The following PRKN variants were observed in gnomAD, a reference collection of about 807,000 sequenced individuals.
PRKN encodes E3 ubiquitin-protein ligase parkin.
A neutral mutation model predicts 59.5 loss-of-function variants in PRKN; 56 were observed. The ratio of observed to expected loss-of-function variants is 0.94; its 90% confidence interval spans 0.76 to 1.18. The LOEUF is 1.18. Ranked by LOEUF, PRKN falls within the 50% of genes most tolerant of loss-of-function variation. PRKN has a pLI of 0.00. For synonymous variants in PRKN, 250 were observed against 222.1 expected (o/e 1.13, Z -1.12); for missense variants, 657 against 596.4 (o/e 1.10, Z -1.06).
At chr6:162,652,817 A>G (rs1778496293) in intron 1 of PRKN, among the ~76,000 whole-genome samples, 1 of 152,166 alleles carries the variant, frequency 6.6e-6, no homozygotes, top group African/African-American at 2.4e-5. Context: ...AAAAATAAAT[A>G]CAAAGAATTG....
intron 6 of PRKN, among the ~76,000 whole-genome samples, chr6:161,912,055 G>A (rs528706593): frequency 6.6e-6 from 1 of 151,982 alleles, no homozygotes; most frequent in South Asian, 2.1e-4. Flanking sequence ...GCGGGCACCT[G>A]TAATCCCAAC....
intron 2 of PRKN, among the ~76,000 whole-genome samples, chr6:162,300,498 G>A (rs1015971297): frequency 2.7e-5 from 4 of 148,646 alleles, no homozygotes; most frequent in African/African-American, 4.9e-5. Context: ...AGCTCTCTGC[G>A]TTTTTTTTTT....
intron 1 of PRKN, among the ~76,000 whole-genome samples, chr6:162,573,579 A>C (rs1780439579): frequency 6.6e-6 from 1 of 152,130 alleles, no homozygotes. Flanking sequence ...ATGTGAATTA[A>C]ATGGGTCATA....
At chr6:161,500,879 T>C (rs1398226474) in intron 9 of PRKN, among the ~76,000 whole-genome samples, 1 of 146,788 alleles carries the variant, frequency 6.8e-6, no homozygotes, top group Non-Finnish European at 1.5e-5. Flanking sequence ...TTTTTTTCTT[T>C]TTTTTTTTTT....
chr6:162,289,909 T>C (rs1176181117), intron 2 of PRKN, among the ~76,000 whole-genome samples: 1 of 152,060 alleles, frequency 6.6e-6, no homozygotes, highest in Non-Finnish European at 1.5e-5. Context: ...TGACTGCATA[T>C]CTAAGTCCCT....
At chr6:162,225,938 T>C (rs1583226567) in intron 3 of PRKN, among the ~76,000 whole-genome samples, 1 of 148,308 alleles carries the variant, frequency 6.7e-6, no homozygotes, top group Non-Finnish European at 1.5e-5. Flanking sequence ...TCTATTATTT[T>C]ATTATTTTAT....
chr6:161,968,410 G>A (rs1386022315), intron 6 of PRKN, among the ~76,000 whole-genome samples: 2 of 152,020 alleles, frequency 1.3e-5, no homozygotes, highest in African/African-American at 4.8e-5. Flanking sequence ...GGTGGTTAGT[G>A]AGGGTGGGGA....
chr6:162,579,108 G>C (rs971015616), intron 1 of PRKN, among the ~76,000 whole-genome samples: 2 of 152,140 alleles, frequency 1.3e-5, no homozygotes, highest in Admixed American at 6.5e-5. Context: ...GCAAATGAAT[G>C]TTGAGCCTTT....
chr6:162,338,145 C>A (rs1783933632), intron 2 of PRKN, among the ~76,000 whole-genome samples: 1 of 152,134 alleles, frequency 6.6e-6, no homozygotes, highest in South Asian at 2.1e-4. Context: ...CTTCAAGGTT[C>A]TTACCATCTC....
intron 6 of PRKN, among the ~76,000 whole-genome samples, chr6:161,806,909 G>A (rs1291090043): frequency 2.6e-5 from 4 of 152,162 alleles, no homozygotes; most frequent in African/African-American, 9.7e-5. Context: ...CGCAAATAGT[G>A]AGAAATCATC....
intron 7 of PRKN, among the ~76,000 whole-genome samples, chr6:161,671,037 T>C (rs1784890142): frequency 6.6e-6 from 1 of 152,122 alleles, no homozygotes; most frequent in African/African-American, 2.4e-5. Context: ...GTTTTCTTCA[T>C]GTTTGTTTTT....
chr6:162,096,772 C>T (rs1020125785), intron 4 of PRKN, among the ~76,000 whole-genome samples: 1 of 112,128 alleles, frequency 8.9e-6, no homozygotes, highest in Non-Finnish European at 2.1e-5. Flanking sequence ...GTCCATTTAA[C>T]CTCTTTTTTT....
At chr6:162,610,075 TACA>T (rs141911059) in intron 1 of PRKN, among the ~76,000 whole-genome samples, 6 of 152,324 alleles carry the variant, frequency 3.9e-5, no homozygotes, top group East Asian at 1.9e-4. Context: ...AGAACGCTCT[TACA>T]ACAACAACAA....
rs967499874 is a variant in PRKN, at chr6:161,466,573, A to G, written c.1084-79696T>C. On this transcript the variant is annotated intron_variant, in intron 9 of 11. Transcript: ENST00000366898. This position sits in a 1 kb window ranked among gnomAD's most constrained non-coding sequence, Gnocchi z 5.0. ...ACTGTGGATGTTAGGATGAAGGTAC[A>G]GTTTGCATATTAAAAGATAAGCCAG... 6.6e-6 allele frequency among the ~76,000 whole-genome samples: 1 copy of G among 152,224 alleles called. No individual in the cohort carries two copies. Among genetic ancestry groups the G allele is most frequent in the Non-Finnish European group, 1.5e-5 (1 of 68,034 alleles).
chr6:162,372,397 G>A (rs563580109), intron 2 of PRKN, among the ~76,000 whole-genome samples: 16 of 152,222 alleles, frequency 1.1e-4, no homozygotes, highest in African/African-American at 3.1e-4. Flanking sequence ...CATTCACGGC[G>A]CTGAGTTTAC....
At chr6:162,707,731 C>T (rs775986050) in intron 1 of PRKN, among the ~76,000 whole-genome samples, 48 of 152,116 alleles carry the variant, frequency 3.2e-4, no homozygotes, top group Non-Finnish European at 5.1e-4. Flanking sequence ...CAAGCCACCA[C>T]GCCTGGCTAA....
intron 7 of PRKN, among the ~76,000 whole-genome samples, chr6:161,611,554 A>G (rs1782490368): frequency 6.6e-6 from 1 of 152,166 alleles, no homozygotes; most frequent in East Asian, 1.9e-4. Context: ...ATTGTTTGGG[A>G]GCACCATGAA....
At chr6:162,339,509 G>GT (rs1481247001) in intron 2 of PRKN, among the ~76,000 whole-genome samples, 10 of 141,670 alleles carry the variant, frequency 7.1e-5, no homozygotes, top group Non-Finnish European at 1.3e-4. Context: ...CGTCCGGGAG[G>GT]GAGGTGGGGG....
intron 6 of PRKN, among the ~76,000 whole-genome samples, chr6:161,836,242 A>AAATTTTAAAATTTT: frequency 6.6e-6 from 1 of 152,134 alleles, no homozygotes; most frequent in East Asian, 1.9e-4. Flanking sequence ...TAAAATTTCC[A>AAATTTTAAAATTTT]CACAGGGTCC....
Sources: gnomAD v4.1 joint callset for allele counts (sites outside exome capture counted in the v4.1 genomes callset) on GRCh38, gnomAD v4.1.1 for gene constraint, Gnocchi (gnomAD v3.1) non-coding constraint, MANE v1.5 for transcripts, NCBI Gene and HGNC (gene_info 2026-07-23, HGNC 2026-07-21) for gene names.